The following EIF4G3 variants were observed in gnomAD, a reference collection of about 807,000 sequenced individuals.
The protein encoded by EIF4G3 is eIF-4-gamma 3.
EIF4G3 carries 34 observed loss-of-function variants against 186.4 expected under a neutral mutation model. The ratio of observed to expected loss-of-function variants is 0.18; its 90% CI spans 0.14 to 0.24. EIF4G3 has a LOEUF of 0.24. EIF4G3 is among the 10% of genes least tolerant of loss of function. The pLI, the probability that EIF4G3 is intolerant of heterozygous loss-of-function variation, is 1.00. For missense variants in EIF4G3, 1,536 were observed against 1,948.5 expected (o/e 0.79, Z 3.99); for synonymous variants, 673 against 679.5 (o/e 0.99, Z 0.15).
At chr1:21,075,687 G>A (rs2095569733) in intron 3 of EIF4G3, among the ~76,000 whole-genome samples, 1 of 148,626 alleles carries the variant, frequency 6.7e-6, no homozygotes, top group Admixed American at 6.7e-5. Context: ...TACTACTCCT[G>A]CCTTATAAAA....
At chr1:20,851,873 C>T (rs2073377901) in intron 27 of EIF4G3, among the ~76,000 whole-genome samples, 1 of 151,970 alleles carries the variant, frequency 6.6e-6, no homozygotes, top group South Asian at 2.1e-4. Context: ...CAAAAATTAG[C>T]CGGGTTTGGT....
intron 2 of EIF4G3, among the ~76,000 whole-genome samples, chr1:21,105,010 G>T (rs1049637458): frequency 6.6e-6 from 1 of 152,148 alleles, no homozygotes; most frequent in Non-Finnish European, 1.5e-5. Flanking sequence ...AATTGAGTAC[G>T]CATTGACACA....
intron 20 of EIF4G3, among the ~76,000 whole-genome samples, chr1:20,875,012 G>A (rs1166409047): frequency 1.3e-5 from 2 of 152,148 alleles, no homozygotes; most frequent in Non-Finnish European, 2.9e-5. Context: ...GTCTCACTCT[G>A]TCACCAGGCT....
rs1214884765 is a variant in EIF4G3, at chr1:21,176,252, CGCCGCCGCCGCCGCT to C, written c.-364_-350del. On this transcript the variant is annotated 5_prime_UTR_variant, in exon 2 of 37. Coordinates refer to ENST00000602326, the MANE Select transcript of EIF4G3 (RefSeq NM_001391906.1). ...CCGCTGCCGCCGCCGCCGCCGCCGC[CGCCGCCGCCGCCGCT>C]GCTGCCGCCGCCGGGTGAGGAGGCG... 6 of 377,664 alleles carry C rather than the reference CGCCGCCGCCGCCGCT, an allele frequency of 1.6e-5. No individual in the cohort carries two copies. Among genetic ancestry groups the C allele is most frequent in the African/African-American group, 8.7e-5 (4 of 45,992 alleles). 23.4% of individuals were successfully genotyped at this position (377,664 alleles called of 1,614,324 possible). A position where few individuals can be genotyped will look rare whatever the true frequency, so the allele number is the denominator to read the frequency against.
chr1:21,055,148 T>A (rs747850579), intron 3 of EIF4G3, among the ~76,000 whole-genome samples: 1 of 152,168 alleles, frequency 6.6e-6, no homozygotes, highest in Non-Finnish European at 1.5e-5. Context: ...AATGAAGAGC[T>A]CTTATAAGAA....
Position 21,136,160 on chromosome 1 carries a change from G to A in EIF4G3, c.-272+40015C>T, listed in dbSNP as rs1048460073. Among the ~76,000 whole-genome samples the A allele has an allele frequency of 2.0e-4, 30 of 151,822 alleles. No individual in the cohort carries two copies. In the South Asian group the frequency reaches 2.7e-3, roughly 14 times the overall value. On this transcript the variant is annotated intron_variant, in intron 2 of 36. Transcript: ENST00000602326. ...ATTGCGCTACTGCAGTCCGCAGTCC[G>A]GCCTGGGCGACAGAGCGAGACTCCG... is the stretch of plus-strand genomic sequence containing the variant.
chr1:21,023,393 C>T lies in EIF4G3; in HGVS notation c.-66-20585G>A, dbSNP rs1318967572. 2.7e-5 allele frequency among the ~76,000 whole-genome samples: 4 copies of T among 148,560 alleles called. No individual in the cohort carries two copies. The South Asian group carries it at 6.9e-4, about 26-fold the overall frequency. On this transcript the variant is annotated intron_variant, in intron 4 of 36. Coordinates refer to ENST00000602326, the MANE Select transcript of EIF4G3 (RefSeq NM_001391906.1). Reference sequence around the variant, plus strand: ...GCCTGATTCTCCTGCCTCAGCCTGCCGAGTGCCTGCGATTGCAGGCACGCG... The same window carrying T: ...GCCTGATTCTCCTGCCTCAGCCTGCTGAGTGCCTGCGATTGCAGGCACGCG...
chr1:21,085,904 G>C (rs2095954925), intron 3 of EIF4G3, among the ~76,000 whole-genome samples: 1 of 152,130 alleles, frequency 6.6e-6, no homozygotes, highest in African/African-American at 2.4e-5. Flanking sequence ...ATGTTGGCCA[G>C]GATGGTCTCA....
intron 11 of EIF4G3, among the ~76,000 whole-genome samples, chr1:20,972,080 C>A (rs961218431): frequency 6.6e-6 from 1 of 152,136 alleles, no homozygotes; most frequent in Non-Finnish European, 1.5e-5. Flanking sequence ...GAATTGCAAG[C>A]CACTCTTCTA....
chr1:20,817,106 G>C (rs1357813897), intron 34 of EIF4G3, among the ~76,000 whole-genome samples: 3 of 137,682 alleles, frequency 2.2e-5, no homozygotes. Context: ...CAAACACTGC[G>C]GAAGGCCGCA....
At chr1:20,879,027 A>G (rs2081602503) in intron 20 of EIF4G3, among the ~76,000 whole-genome samples, 1 of 152,158 alleles carries the variant, frequency 6.6e-6, no homozygotes, top group African/African-American at 2.4e-5. Flanking sequence ...CACGGGAAAA[A>G]TTTGTTGCCC....
intron 30 of EIF4G3, among the ~76,000 whole-genome samples, chr1:20,830,553 C>T (rs1022105007): frequency 1.3e-5 from 2 of 152,204 alleles, no homozygotes; most frequent in Non-Finnish European, 2.9e-5. Context: ...AGGTTAACCA[C>T]CTGATCCTGC....
intron 2 of EIF4G3, among the ~76,000 whole-genome samples, chr1:21,170,219 A>AAATT (rs2097930832): frequency 6.7e-6 from 1 of 148,256 alleles, no homozygotes; most frequent in Admixed American, 6.7e-5. Flanking sequence ...ACAAACAAAT[A>AAATT]AATTTACAGA....
At position 21,089,173 on chromosome 1, in the gene EIF4G3, T is replaced by C; in HGVS notation, c.-231A>G. 1 of 717,332 alleles carries C rather than the reference T, an allele frequency of 1.4e-6. No individual in the cohort carries two copies. Among genetic ancestry groups the C allele is most frequent in the Non-Finnish European group, 2.6e-6 (1 of 385,044 alleles). The allele number at this position is 717,332 out of a possible 1,614,324, so 44.4% of individuals were successfully genotyped here. On this transcript the variant is annotated 5_prime_UTR_variant, in exon 3 of 37. Coordinates refer to ENST00000602326, the MANE Select transcript of EIF4G3 (RefSeq NM_001391906.1). ...ACTGCTGAGACAGCGGGAGTGAAGA[T>C]TCGATCCTCAAGAGGTTGTTGCACA...
intron 3 of EIF4G3, among the ~76,000 whole-genome samples, chr1:21,075,259 A>G (rs1289296406): frequency 6.6e-6 from 1 of 152,136 alleles, no homozygotes; most frequent in Non-Finnish European, 1.5e-5. Flanking sequence ...TGTTGCCTAT[A>G]GGAAATTCCC....
chr1:21,009,179 T>C (rs553198534), intron 4 of EIF4G3, among the ~76,000 whole-genome samples: 7 of 152,322 alleles, frequency 4.6e-5, no homozygotes, highest in African/African-American at 1.7e-4. Context: ...TGTTTATTCA[T>C]TTTTCTTCTT....
At chr1:20,808,333 T>C (rs575397200) in intron 36 of EIF4G3, among the ~76,000 whole-genome samples, 73 of 152,260 alleles carry the variant, frequency 4.8e-4, no homozygotes, top group African/African-American at 1.7e-3. Flanking sequence ...TTACAAAATT[T>C]GGGGGAAGGG....
chr1:21,052,041 A>G (rs2094247983), intron 3 of EIF4G3, among the ~76,000 whole-genome samples: 1 of 152,226 alleles, frequency 6.6e-6, no homozygotes, highest in Non-Finnish European at 1.5e-5. Flanking sequence ...CAAAATCTTA[A>G]CAGAAAGCAT....
At chr1:21,066,867 A>G (rs2095261422) in intron 3 of EIF4G3, among the ~76,000 whole-genome samples, 1 of 152,222 alleles carries the variant, frequency 6.6e-6, no homozygotes, top group South Asian at 2.1e-4. Flanking sequence ...CGTGGTCCAT[A>G]TCAGTTGTTT....
Sources: allele counts gnomAD v4.1 joint callset (sites outside exome capture counted in the v4.1 genomes callset), GRCh38; gene constraint gnomAD v4.1.1; transcripts MANE v1.5; gene names NCBI Gene and HGNC (gene_info 2026-07-23, HGNC 2026-07-21).